ABCC8: variants seen among roughly 807,000 people sequenced by gnomAD.
ABCC8 encodes the protein ATP-binding cassette sub-family C member 8.
Under a neutral mutation model 188.0 loss-of-function variants are expected in ABCC8, and 137 were observed. That is an observed-to-expected ratio of 0.73 (90% confidence interval 0.63 to 0.84). The LOEUF (loss-of-function observed/expected upper bound fraction) is 0.84. Among genes scored for constraint, ABCC8 ranks in the 40% least tolerant of loss-of-function variants. ABCC8 has a pLI of 0.00. For synonymous variants in ABCC8, 797 were observed against 846.5 expected (o/e 0.94, Z 1.01); for missense variants, 1,750 against 2,072.7 (o/e 0.84, Z 3.02).
chr11:17,399,502 C>A (rs946736313), intron 29 of ABCC8, among the ~76,000 whole-genome samples: 7 of 152,148 alleles, frequency 4.6e-5, no homozygotes, highest in Non-Finnish European at 1.0e-4. Context: ...AAGGCTTTTG[C>A]CCTTGCTCTT....
In ABCC8 at chr11:17,397,283, T is replaced by A. The variant is rs746705640; in HGVS notation, c.3898A>T (p.Asn1300Tyr). Reference protein sequence around the residue: ...VSNYLNWMVRNLADMELQLGA... With the variant: ...VSNYLNWMVRYLADMELQLGA... ...AGCTGGAGCTCCATGTCTGCCAGGT[T>A]CCTCACCATCCAGTTGAGGTAGTTG... is the stretch of plus-strand genomic sequence containing the variant. Residue 1300 changes from asparagine to tyrosine, a missense_variant, in exon 32 of 39, where the codon AAC becomes TAC. Asn to Tyr is a moderately radical substitution (Grantham distance 143). Coordinates refer to ENST00000389817, the MANE Select transcript of ABCC8 (RefSeq NM_000352.6). 3 of 1,613,060 alleles carry A rather than the reference T, an allele frequency of 1.9e-6. No individual in the cohort carries two copies. The African/African-American group carries it at 4.0e-5, about 21-fold the overall frequency.
chr11:17,448,217 T>A, intron 8 of ABCC8: 1 of 394,342 alleles, frequency 2.5e-6, no homozygotes, highest in Non-Finnish European at 4.8e-6. Context: ...CCCAAAGTGC[T>A]GGGATTACAG....
rs1386314454 is a variant in ABCC8, at chr11:17,461,610, C to T, written c.795G>A (p.Arg265=). The part of the protein sequence containing the change: ...IAMRALTNYQ[R]LCEAFDAQVR... ...CCTGGGCGTCAAAGGCCTCGCAGAGCCGTTGGTAGTTGGTGAGGGCCCTCA... is the reference window on the plus strand; with the variant it reads ...CCTGGGCGTCAAAGGCCTCGCAGAGTCGTTGGTAGTTGGTGAGGGCCCTCA... The change falls in exon 5 of 39, where the codon CGG becomes CGA. Residue 265 remains arginine (R), a synonymous_variant. Coordinates refer to ENST00000389817, the MANE Select transcript of ABCC8 (RefSeq NM_000352.6). 6 of 1,614,268 alleles carry T rather than the reference C, an allele frequency of 3.7e-6. No individual in the cohort carries two copies. Among genetic ancestry groups the T allele is most frequent in the Non-Finnish European group, 5.1e-6 (6 of 1,180,056 alleles).
chr11:17,467,460 CT>C (rs1375876600), intron 3 of ABCC8, among the ~76,000 whole-genome samples: 1 of 152,214 alleles, frequency 6.6e-6, no homozygotes, highest in Non-Finnish European at 1.5e-5. Context: ...TCTTCTTCTT[CT>C]GAATTTTCTA....
intron 9 of ABCC8, 132 bp downstream of exon 9, chr11:17,443,046 C>T: frequency 6.7e-7 from 1 of 1,502,674 alleles, no homozygotes; most frequent in East Asian, 2.3e-5. Context: ...AAGCTGAGGC[C>T]TGGACAGGTG....
intron 2 of ABCC8, among the ~76,000 whole-genome samples, chr11:17,472,419 C>T (rs1564994402): frequency 2.0e-5 from 3 of 152,080 alleles, no homozygotes; most frequent in South Asian, 2.1e-4. Flanking sequence ...GAGGGGAAGC[C>T]CTACAGGTTT....
chr11:17,463,035 C>T lies in ABCC8; in HGVS notation c.579+403G>A, dbSNP rs1467647149. ...CTGGGGTGAGGAAGAGAGAGGGAGG[C>T]GGGAGCAAACAGAAAGGAAAACAAA... On this transcript the variant is annotated intron_variant, in intron 4 of 38. Coordinates refer to ENST00000389817, the MANE Select transcript of ABCC8 (RefSeq NM_000352.6). Among the ~76,000 whole-genome samples the T allele has an allele frequency of 4.6e-5, 7 of 151,930 alleles. No individual in the cohort carries two copies. The South Asian group carries it at 1.0e-3, about 23-fold the overall frequency.
chr11:17,436,219 G>C, intron 10 of ABCC8: 1 of 630,080 alleles, frequency 1.6e-6, no homozygotes, highest in East Asian at 2.9e-5. Context: ...CCAGCTACTT[G>C]TGTTTTAAAG....
At position 17,407,113 on chromosome 11, in the gene ABCC8, G is replaced by A. The variant is rs780868010; in HGVS notation, c.2937C>T (p.Ser979=). The A allele has an allele frequency of 3.8e-5, 61 of 1,612,204 alleles. No individual in the cohort carries two copies. In the East Asian group the frequency reaches 1.1e-3, roughly 29 times the overall value. Residue 979 remains serine, a synonymous_variant, in exon 25 of 39, where the codon AGC becomes AGT. Transcript: ENST00000389817. ...TGGACGACAGGTTGTCATCCTCCTC[G>A]CTCTCAGCTGCCTCCTCTGCAGGCC... ...EEEEEEEAAE[S]EEDDNLSSML...
intron 26 of ABCC8, among the ~76,000 whole-genome samples, chr11:17,405,816 C>G (rs4148636): frequency 5.3e-5 from 8 of 152,080 alleles, no homozygotes; most frequent in Non-Finnish European, 1.0e-4. Flanking sequence ...GCTGCCGGCT[C>G]GGCCTGACTC....
rs772723050 is a variant in ABCC8, at chr11:17,430,812, A to G, written c.1817+2T>C. ...GTGCCCTCGCCCGGACCCTCCCCTC[A>G]CCTCACTAGAGCTTTGACGGTAGAT... On this transcript the variant is annotated splice_donor_variant, in intron 12 of 38. Transcript: ENST00000389817. LOFTEE classifies it high-confidence loss of function. The G allele has an allele frequency of 6.2e-7, 1 of 1,613,988 alleles. No homozygotes were observed. The highest frequency in any genetic ancestry group is 8.5e-7 in the Non-Finnish European group (1 of 1,179,924).
At chr11:17,462,422 T>G in intron 4 of ABCC8, among the ~76,000 whole-genome samples, 1 of 152,306 alleles carries the variant, frequency 6.6e-6, no homozygotes, top group African/African-American at 2.4e-5. Context: ...TCACTGCTGG[T>G]TGGAAGGCAG....
In ABCC8 at chr11:17,397,170, ACCCCTCT is replaced by A; in HGVS notation, c.3988+16_3988+22del. The A allele has an allele frequency of 6.2e-7, 1 of 1,612,122 alleles. No individual in the cohort carries two copies. The highest frequency in any genetic ancestry group is 1.1e-5 in the South Asian group (1 of 91,000). The stretch of plus-strand genomic sequence containing the variant: ...CACACTCCTCCTTGGACTCTTCCCC[ACCCCTCT>A]CCCTGAGCCTCTCACCCAGGAGCCC... On this transcript the variant is annotated intron_variant, in intron 32 of 38. Coordinates refer to ENST00000389817, the MANE Select transcript of ABCC8 (RefSeq NM_000352.6).
rs370137165 is a variant in ABCC8, at chr11:17,428,717, G to A, written c.1818-47C>T. ...ACCCCTCACCCCTGCCAGGGGCAGA[G>A]GGGAGGGGAGAGGGCGCAGCCTGAT... On this transcript the variant is annotated intron_variant, in intron 12 of 38. Coordinates refer to ENST00000389817, the MANE Select transcript of ABCC8 (RefSeq NM_000352.6). The A allele has an allele frequency of 2.5e-6, 4 of 1,605,418 alleles. No individual in the cohort carries two copies. The South Asian group carries it at 4.4e-5, about 18-fold the overall frequency.
At position 17,460,514 on chromosome 11, in the gene ABCC8, T is replaced by A. The variant is rs1957147183; in HGVS notation, c.985A>T (p.Lys329Ter). Reference protein sequence around the residue: ...CIFGIVDHLGKENDVFQPKTQ... With the variant: ...CIFGIVDHLG ...TTGGGCTGGAAGACGTCGTTCTCCT[T>A]CCCAAGGTGGTCCACGATCCCAAAG... Residue 329 changes from lysine to a stop codon, truncating the protein, a stop_gained, in exon 6 of 39, where the codon AAG (lysine) becomes TAG (stop). Transcript: ENST00000389817. LOFTEE classifies it high-confidence loss of function. The A allele has an allele frequency of 1.9e-6, 3 of 1,613,984 alleles. No individual in the cohort carries two copies. The highest frequency in any genetic ancestry group is 2.5e-6 in the Non-Finnish European group (3 of 1,180,034).
chr11:17,437,521 T>C (rs1201410583), intron 10 of ABCC8, among the ~76,000 whole-genome samples: 1 of 152,248 alleles, frequency 6.6e-6, no homozygotes, highest in Non-Finnish European at 1.5e-5. Context: ...AATTGCAAGA[T>C]GCATCTGCAG....
chr11:17,431,195 A>G (rs1175701321), intron 11 of ABCC8, among the ~76,000 whole-genome samples: 3 of 151,818 alleles, frequency 2.0e-5, no homozygotes, highest in Admixed American at 1.3e-4. Flanking sequence ...CCTGGCCAAG[A>G]CTCCCTGTCC....
chr11:17,406,342 AAAC>A (rs1954522516), intron 26 of ABCC8: 8 of 493,748 alleles, frequency 1.6e-5, no homozygotes, highest in African/African-American at 1.5e-4. Flanking sequence ...AGGGAGGAGA[AAAC>A]AATCTTTACT....
Position 17,435,616 on chromosome 11 carries a change from G to A in ABCC8, c.1631-3372C>T, listed in dbSNP as rs1171588343. The A allele has an allele frequency of 5.7e-6, 8 of 1,397,916 alleles. 1 individual carries two copies. The Admixed American group carries it at 1.2e-4, about 21-fold the overall frequency. 86.6% of individuals were successfully genotyped at this position (1,397,916 alleles called of 1,614,324 possible). ...AGGCTGGAGATAAAAGTGAGAAACA[G>A]AAAGATGGGTGAATGTAATAATGTG... On this transcript the variant is annotated intron_variant, in intron 10 of 38. Transcript: ENST00000389817.
Sources: allele counts gnomAD v4.1 joint callset (sites outside exome capture counted in the v4.1 genomes callset), GRCh38; gene constraint gnomAD v4.1.1; transcripts MANE v1.5; gene names NCBI Gene and HGNC (gene_info 2026-07-23, HGNC 2026-07-21).